SLC5A9: variants seen among roughly 807,000 people sequenced by gnomAD.
The protein encoded by SLC5A9 is solute carrier family 5 member 9, also known as sodium/glucose cotransporter 4.
SLC5A9 carries 59 observed loss-of-function variants against 70.9 expected under a neutral mutation model. The ratio of observed to expected loss-of-function variants is 0.83; its 90% CI spans 0.68 to 1.03. The LOEUF is 1.03. Among genes scored for constraint, SLC5A9 ranks in the 50% least tolerant of loss-of-function variants. SLC5A9 has a pLI of 0.00. For synonymous variants in SLC5A9, 340 were observed against 346.5 expected (o/e 0.98, Z 0.21); for missense variants, 832 against 881.1 (o/e 0.94, Z 0.71).
At chr1:48,227,603 T>G (rs200812813) in intron 2 of SLC5A9, among the ~76,000 whole-genome samples, 1 of 117,822 alleles carries the variant, frequency 8.5e-6, no homozygotes, top group Admixed American at 8.4e-5. Flanking sequence ...GTGTGTGTGA[T>G]TGCATCTGTG....
At chr1:48,224,079 A>G (rs1160365986) in intron 1 of SLC5A9, among the ~76,000 whole-genome samples, 1 of 152,202 alleles carries the variant, frequency 6.6e-6, no homozygotes, top group East Asian at 1.9e-4. Flanking sequence ...AGCTGCTTCA[A>G]GTTCATCCTT....
chr1:48,230,450 C>T, intron 4 of SLC5A9, 150 bp from the exon 5 acceptor site: 5 of 601,408 alleles, frequency 8.3e-6, no homozygotes, highest in Non-Finnish European at 1.5e-5. Context: ...AGATAAAACC[C>T]ACACTCCTTA....
At chr1:48,236,026 G>A in intron 10 of SLC5A9, 147 bp downstream of exon 10, 1 of 885,584 alleles carries the variant, frequency 1.1e-6, no homozygotes, top group Non-Finnish European at 1.7e-6. Flanking sequence ...ATGATTTCAA[G>A]TAAGTCCTTC....
rs1391896495 is a variant in SLC5A9, at chr1:48,244,878, G to GTGTGTGTATATATATATATATA, written c.1837+2263_1837+2264insGTGTGTATATATATATATATAT. Among the ~76,000 whole-genome samples, 170 of 29,400 alleles carry GTGTGTGTATATATATATATATA rather than the reference G, an allele frequency of 5.8e-3. 29 individuals carry two copies. Among genetic ancestry groups the GTGTGTGTATATATATATATATA allele is most frequent in the Admixed American group, 0.017 (24 of 1,438 alleles). The allele number at this position is 29,400 out of a possible 152,430, so 19.3% of individuals were successfully genotyped here. A position where few individuals can be genotyped will look rare whatever the true frequency, so the allele number is the denominator to read the frequency against. The stretch of plus-strand genomic sequence containing the variant: ...TGTGTGTGTGTATGTATGTGTATGT[G>GTGTGTGTATATATATATATATA]TATATATATATATATATATATATAT... On this transcript the variant is annotated intron_variant, in intron 13 of 13. Coordinates refer to ENST00000438567, the MANE Select transcript of SLC5A9 (RefSeq NM_001011547.3).
chr1:48,232,312 G>A, intron 7 of SLC5A9, 55 bp from the exon 8 acceptor site: 1 of 1,600,094 alleles, frequency 6.2e-7, no homozygotes, highest in South Asian at 1.1e-5. Flanking sequence ...CTCACCTGTG[G>A]CTTAATGAGC....
chr1:48,244,416 C>T (rs1287509488), intron 13 of SLC5A9, among the ~76,000 whole-genome samples: 3 of 152,116 alleles, frequency 2.0e-5, no homozygotes, highest in Non-Finnish European at 4.4e-5. Context: ...TGAGGCCCTT[C>T]ACCTTTGCTT....
At chr1:48,237,362 G>C (rs555883179) in intron 10 of SLC5A9, among the ~76,000 whole-genome samples, 710 of 67,102 alleles carry the variant, frequency 0.011, 7 homozygotes, top group African/African-American at 0.051. Flanking sequence ...TGACTGGGGT[G>C]GGGGGTGGGG....
rs761490396 is a variant in SLC5A9 at position 48,222,763 on chromosome 1, G to T, written c.27G>T (p.Gly9=). The change falls in exon 1 of 14, where the codon GGG becomes GGT. Residue 9 remains glycine, a synonymous_variant. Coordinates refer to ENST00000438567, the MANE Select transcript of SLC5A9 (RefSeq NM_001011547.3). ...TGAGCAAGGAGCTGGCAGCAATGGG[G>T]CCTGGAGCTTCAGGGGACGGGGTCA... MSKELAAM[G]PGASGDGVRT... 2 of 1,614,166 alleles carry T rather than the reference G, an allele frequency of 1.2e-6. No individual in the cohort carries two copies. The highest frequency in any genetic ancestry group is 1.7e-6 in the Non-Finnish European group (2 of 1,180,030).
In SLC5A9 at chr1:48,233,719, C is replaced by G; in HGVS notation, c.1098C>G (p.Ser366=). Residue 366 remains serine, a synonymous_variant, in exon 9 of 14, where the codon TCC becomes TCG. Transcript: ENST00000438567. The part of the protein sequence containing the change: ...QRICGARVGC[S]NIAYPKLVMA... ...TCTGTGGGGCCCGAGTGGGATGTTC[C>G]AACATTGCCTACCCTAAGTTGGTCA... is the stretch of plus-strand genomic sequence containing the variant. 9.9e-6 allele frequency: 16 copies of G among 1,614,064 alleles called. No individual in the cohort carries two copies. The highest frequency in any genetic ancestry group is 1.4e-5 in the Non-Finnish European group (16 of 1,180,000).
intron 13 of SLC5A9, among the ~76,000 whole-genome samples, chr1:48,243,914 A>C (rs540971072): frequency 6.6e-6 from 1 of 152,218 alleles, no homozygotes; most frequent in African/African-American, 2.4e-5. Flanking sequence ...AAGTAGATGA[A>C]TAAGACATTG....
In SLC5A9 at chr1:48,242,521, A is replaced by G. The variant is rs1374376294; in HGVS notation, c.1742A>G (p.Glu581Gly). The G allele has an allele frequency of 6.2e-7, 1 of 1,613,794 alleles. No individual in the cohort carries two copies. The highest frequency in any genetic ancestry group is 1.1e-5 in the South Asian group (1 of 91,046). The stretch of plus-strand genomic sequence containing the variant: ...TCTGAGCTGGAGAAGGAGGCCCACG[A>G]GAGCACACCGGAGATATCCGAGAGG... ...PLSELEKEAH[E>G]STPEISERPA... The change falls in exon 13 of 14, where the codon GAG becomes GGG. Residue 581 changes from glutamate to glycine, a missense_variant. Transcript: ENST00000438567.
At chr1:48,245,489 C>G (rs965757859) in intron 13 of SLC5A9, among the ~76,000 whole-genome samples, 2 of 152,080 alleles carry the variant, frequency 1.3e-5, no homozygotes, top group Admixed American at 6.5e-5. Context: ...AAACCTACCC[C>G]CCTTCACAGA....
Position 48,232,455 on chromosome 1 carries a change from TG to T in SLC5A9, c.987del (p.Met329IlefsTer9). ...GGGGGCTACCTGAAGATCCTCCCCATGTTCTTCATCGTCATGCCTGGCATGA... is the reference window on the plus strand; with the variant it reads ...GGGGGCTACCTGAAGATCCTCCCCATTTCTTCATCGTCATGCCTGGCATGA... ...VLGGYLKILP[M>X]FFIVMPGMIS... is the part of the protein sequence containing the mutation. On this transcript the variant is annotated frameshift_variant, in exon 8 of 14. Coordinates refer to ENST00000438567, the MANE Select transcript of SLC5A9 (RefSeq NM_001011547.3). LOFTEE classifies it high-confidence loss of function. 1 of 1,614,214 alleles carries T rather than the reference TG, an allele frequency of 6.2e-7. No homozygotes were observed.
chr1:48,244,736 A>ATATATAAATTATATTTATAT (rs1644431485), intron 13 of SLC5A9, among the ~76,000 whole-genome samples: 5 of 22,028 alleles, frequency 2.3e-4, no homozygotes, highest in Non-Finnish European at 3.1e-4. Flanking sequence ...AAAATATATA[A>ATATATAAATTATATTTATAT]TATATATAAA....
chr1:48,244,731 A>ATATT (rs1338131250), intron 13 of SLC5A9, among the ~76,000 whole-genome samples: 6 of 30,062 alleles, frequency 2.0e-4, no homozygotes, highest in East Asian at 2.9e-3. Context: ...TATATAAAAT[A>ATATT]TATAATATAT....
chr1:48,231,834 C>A, intron 6 of SLC5A9, 112 bp from the exon 7 acceptor site: 1 of 1,554,724 alleles, frequency 6.4e-7, no homozygotes, highest in Non-Finnish European at 8.7e-7. Flanking sequence ...TCCTTCACCC[C>A]CAATCCCCAT....
intron 3 of SLC5A9, 51 bp from the exon 4 acceptor site, chr1:48,229,244 T>A: frequency 6.2e-7 from 1 of 1,613,966 alleles, no homozygotes; most frequent in Non-Finnish European, 8.5e-7. Flanking sequence ...AAGCCGCCCC[T>A]CTGTCTACAT....
rs1644212196 is a variant in SLC5A9 at position 48,229,311 on chromosome 1, T to C, written c.356T>C (p.Leu119Pro). 1 of 1,614,078 alleles carries C rather than the reference T, an allele frequency of 6.2e-7. No homozygotes were observed. The highest frequency in any genetic ancestry group is 1.3e-5 in the African/African-American group (1 of 74,932). ...CTCTCCCAGGCAACCTGGCTGCTCC[T>C]GGCCCTTGGCTGGGTCTTCGTCCCT... ...GFEWNATWLL[L>P]ALGWVFVPVY... The change falls in exon 4 of 14, where the codon CTG becomes CCG. Residue 119 changes from leucine to proline, a missense_variant. Physicochemically the swap from Leu to Pro is moderately conservative, Grantham distance 98 (BLOSUM62 -3). Coordinates refer to ENST00000438567, the MANE Select transcript of SLC5A9 (RefSeq NM_001011547.3).
At chr1:48,232,261 A>T in intron 7 of SLC5A9, 106 bp from the exon 8 acceptor site, 1 of 1,554,180 alleles carries the variant, frequency 6.4e-7, no homozygotes, top group Non-Finnish European at 8.7e-7. Context: ...TGGGATTGTG[A>T]CTGGACTGGA....
Sources: gnomAD v4.1 joint callset for allele counts (sites outside exome capture counted in the v4.1 genomes callset) on GRCh38, gnomAD v4.1.1 for gene constraint, MANE v1.5 for transcripts, NCBI Gene and HGNC (gene_info 2026-07-23, HGNC 2026-07-21) for gene names.